The following TRPM1 variants were observed in gnomAD, a reference collection of about 807,000 sequenced individuals.
TRPM1 encodes transient receptor potential cation channel subfamily M member 1.
A neutral mutation model predicts 149.4 loss-of-function variants in TRPM1; 113 were observed. The ratio of observed to expected loss-of-function variants is 0.76; its 90% CI spans 0.65 to 0.88. The LOEUF (loss-of-function observed/expected upper bound fraction) is 0.88. TRPM1 is among the 40% of genes least tolerant of loss of function. The pLI, the probability that TRPM1 is intolerant of heterozygous loss-of-function variation, is 0.00. For synonymous variants in TRPM1, 741 were observed against 759.5 expected, an observed-to-expected ratio of 0.98 and a Z score of 0.40; for missense variants, 1,976 against 2,038.7, an observed-to-expected ratio of 0.97 and a Z score of 0.59.
At chr15:31,113,609 C>T (rs1288491511) in intron 1 of TRPM1, among the ~76,000 whole-genome samples, 1 of 152,132 alleles carries the variant, frequency 6.6e-6, no homozygotes, top group Non-Finnish European at 1.5e-5. Flanking sequence ...CACAAGTAAA[C>T]TTGTGTCATA....
At chr15:31,081,307 A>AGGGGGGG in intron 2 of TRPM1, 46 bp downstream of exon 2, 1 of 531,018 alleles carries the variant, frequency 1.9e-6, no homozygotes, top group Admixed American at 1.1e-4. Context: ...GTACTTTCTC[A>AGGGGGGG]GGGGGGGAGG....
At chr15:31,145,246 A>G (rs980009708) in intron 1 of TRPM1, among the ~76,000 whole-genome samples, 1 of 152,216 alleles carries the variant, frequency 6.6e-6, no homozygotes, top group African/African-American at 2.4e-5. Context: ...CCACAGTCAG[A>G]GACGTTCAAA....
chr15:31,042,225 T>C lies in TRPM1; in HGVS notation c.1813A>G (p.Lys605Glu), dbSNP rs779219187. 3 of 1,585,282 alleles carry C rather than the reference T, an allele frequency of 1.9e-6. No individual in the cohort carries two copies. The highest frequency in any genetic ancestry group is 2.6e-6 in the Non-Finnish European group (3 of 1,165,548). ...TTCTTCTTTTTCTTTTTCTTCCCTTTAGCTGGAGGCTCATCATCCTGAGGG... is the reference window on the plus strand; with the variant it reads ...TTCTTCTTTTTCTTTTTCTTCCCTTCAGCTGGAGGCTCATCATCCTGAGGG... ...LGMEDDEPPA[K>E]GKKKKKKKKE... is the part of the protein sequence containing the mutation. Residue 605 changes from lysine to glutamate, a missense_variant, in exon 17 of 28, where the codon AAA becomes GAA. Physicochemically the swap from Lys to Glu is moderately conservative, Grantham distance 56 (BLOSUM62 1). Transcript: ENST00000256552.
chr15:31,063,274 G>T lies in TRPM1; in HGVS notation c.809C>A (p.Pro270His), dbSNP rs1596030110. Residue 270 changes from proline (P) to histidine (H), a missense_variant, in exon 8 of 28, where the codon CCC becomes CAC. Pro to His is a moderately conservative substitution (Grantham distance 77). This residue lies in a region of TRPM1 where 1,332 missense variants were observed against 1,347.1 expected (regional missense o/e 0.99). Transcript: ENST00000256552. The stretch of plus-strand genomic sequence containing the variant: ...CCCCTCCACCACGAGACCCACGAGG[G>T]GCACGCCCTGCCCCAGTCCTGCAAC... ...KINTRLGQGV[P>H]LVGLVVEGGP... The T allele has an allele frequency of 6.2e-7, 1 of 1,614,034 alleles. No individual in the cohort carries two copies. The highest frequency in any genetic ancestry group is 8.5e-7 in the Non-Finnish European group (1 of 1,180,010).
At chr15:31,113,762 G>T (rs144750683) in intron 1 of TRPM1, among the ~76,000 whole-genome samples, 2 of 152,152 alleles carry the variant, frequency 1.3e-5, no homozygotes, top group South Asian at 2.1e-4. Flanking sequence ...GGACCTTCCC[G>T]GTGAGTGTTA....
intron 1 of TRPM1, among the ~76,000 whole-genome samples, chr15:31,089,023 A>C (rs1161290788): frequency 6.6e-6 from 1 of 152,156 alleles, no homozygotes; most frequent in Admixed American, 6.5e-5. Flanking sequence ...CAAGTGAGGC[A>C]CTCAAATGGG....
At chr15:31,075,635 G>C (rs1217248290) in intron 3 of TRPM1, among the ~76,000 whole-genome samples, 1 of 152,152 alleles carries the variant, frequency 6.6e-6, no homozygotes, top group African/African-American at 2.4e-5. Context: ...GCTCCTCCCA[G>C]GAAGAAAGCC....
rs774750269 is a variant in TRPM1 at position 31,037,810 on chromosome 15, C to T, written c.2472G>A (p.Gly824=). ...DANADAGSRK[G]DEENEHKKQR... Reference sequence around the variant, plus strand: ...GTTTTTTGTGCTCGTTCTCCTCATCCCCCTTTCTTGAGCCAGCATCTGCAT... The same window carrying T: ...GTTTTTTGTGCTCGTTCTCCTCATCTCCCTTTCTTGAGCCAGCATCTGCAT... The change falls in exon 20 of 28, where the codon GGG becomes GGA. Residue 824 remains glycine (G), a synonymous_variant. Coordinates refer to ENST00000256552, the MANE Select transcript of TRPM1 (RefSeq NM_001252024.2). 5 of 1,614,066 alleles carry T rather than the reference C, an allele frequency of 3.1e-6. No individual in the cohort carries two copies. Among genetic ancestry groups the T allele is most frequent in the African/African-American group, 2.7e-5 (2 of 74,926 alleles).
At position 31,153,309 on chromosome 15, in the gene TRPM1, C is replaced by T. The variant is rs117074713; in HGVS notation, c.54+7597G>A. Among the ~76,000 whole-genome samples the T allele has an allele frequency of 2.6e-3, 394 of 152,294 alleles. 1 individual carries two copies. Among genetic ancestry groups the T allele is most frequent in the Non-Finnish European group, 4.9e-3 (336 of 68,020 alleles). ...CTCCCAACTCTTATTTTAACCCAGA[C>T]ACTCCTTTCTATGGATTTCAGGTCT... On this transcript the variant is annotated intron_variant, in intron 1 of 26. Coordinates refer to the TRPM1 transcript ENST00000542188.
chr15:31,048,563 G>A lies in TRPM1; in HGVS notation c.1573-624C>T, dbSNP rs146227265. On this transcript the variant is annotated intron_variant, in intron 13 of 27. Transcript: ENST00000256552. ...TAGTATATTTGAGCCTATTATCCCA[G>A]CACTTTGGGAGGCCAAGGGAGGTGG... Among the ~76,000 whole-genome samples, 1,043 of 152,288 alleles carry A rather than the reference G, an allele frequency of 6.8e-3. 4 individuals carry two copies. Among genetic ancestry groups the A allele is most frequent in the Non-Finnish European group, 0.01 (697 of 68,016 alleles).
chr15:31,160,783 A>G (rs1346135172), intron 1 of TRPM1: 1 of 1,087,306 alleles, frequency 9.2e-7, no homozygotes, highest in African/African-American at 1.5e-5. Context: ...CCCCATGCCC[A>G]CCCAGCACAG....
intron 1 of TRPM1, among the ~76,000 whole-genome samples, chr15:31,118,031 T>A (rs994416386): frequency 2.0e-5 from 3 of 151,944 alleles, no homozygotes; most frequent in Non-Finnish European, 2.9e-5. Flanking sequence ...GAGGCCGAGG[T>A]GGGAGGATCA....
intron 24 of TRPM1, among the ~76,000 whole-genome samples, chr15:31,029,008 C>G (rs2032930882): frequency 6.6e-6 from 1 of 151,990 alleles, no homozygotes; most frequent in African/African-American, 2.4e-5. Flanking sequence ...TTCTTGGTTT[C>G]ACTGATACAT....
chr15:31,077,387 C>T (rs1453350686), intron 2 of TRPM1, among the ~76,000 whole-genome samples: 1 of 152,144 alleles, frequency 6.6e-6, no homozygotes, highest in Non-Finnish European at 1.5e-5. Flanking sequence ...CCTGTGGAGG[C>T]CCTGCTGGTG....
chr15:31,041,359 C>G (rs2033611117), intron 17 of TRPM1, among the ~76,000 whole-genome samples: 1 of 152,076 alleles, frequency 6.6e-6, no homozygotes, highest in Admixed American at 6.5e-5. Flanking sequence ...ACCATGTTAG[C>G]CAGGATGGTC....
chr15:31,080,108 G>A (rs2140981882), intron 2 of TRPM1, among the ~76,000 whole-genome samples: 1 of 152,282 alleles, frequency 6.6e-6, no homozygotes, highest in Non-Finnish European at 1.5e-5. Context: ...ACGCACAGGG[G>A]AGGGAGAAAG....
At chr15:31,089,102 A>G (rs1322864548) in intron 1 of TRPM1, among the ~76,000 whole-genome samples, 1 of 152,182 alleles carries the variant, frequency 6.6e-6, no homozygotes, top group Non-Finnish European at 1.5e-5. Context: ...AAAAATCAAT[A>G]CAGAAAATTC....
In TRPM1 at chr15:31,152,968, T is replaced by C. The variant is rs548113964; in HGVS notation, c.54+7938A>G. On this transcript the variant is annotated intron_variant, in intron 1 of 26. Coordinates refer to the TRPM1 transcript ENST00000542188. ...TAAAACAGAGATCTCAAGGCCTTTG[T>C]AGCAATAAGACACTAAATTCCAGGC... 2.6e-5 allele frequency among the ~76,000 whole-genome samples: 4 copies of C among 152,300 alleles called. No individual in the cohort carries two copies. The South Asian group carries it at 8.3e-4, about 32-fold the overall frequency.
chr15:31,087,840 C>T (rs773585232), intron 1 of TRPM1, among the ~76,000 whole-genome samples: 2 of 151,970 alleles, frequency 1.3e-5, no homozygotes, highest in Non-Finnish European at 2.9e-5. Context: ...GAATGGTGGC[C>T]GCCAGGAGCT....
Sources: gnomAD v4.1 joint callset for allele counts (sites outside exome capture counted in the v4.1 genomes callset) on GRCh38, gnomAD v4.1.1 for gene constraint, gnomAD v4.1.1 regional missense constraint, MANE v1.5 for transcripts, NCBI Gene and HGNC (gene_info 2026-07-23, HGNC 2026-07-21) for gene names.